TUBGCP6: variants seen among roughly 807,000 people sequenced by gnomAD.
TUBGCP6 encodes the protein gamma-tubulin complex component 6.
Under a neutral mutation model 175.8 loss-of-function variants are expected in TUBGCP6, and 161 were observed. That is an observed-to-expected ratio of 0.92 (90% CI 0.81 to 1.04). The LOEUF is 1.04. TUBGCP6 is among the 50% of genes least tolerant of loss of function. The probability of loss-of-function intolerance (pLI) is 0.00; values close to 1 mark genes in which losing one functional copy is unlikely to be tolerated. For synonymous variants in TUBGCP6, 1,173 were observed against 1,030.5 expected (o/e 1.14, Z -2.65); for missense variants, 2,572 against 2,433.0 (o/e 1.06, Z -1.20).
At chr22:50,237,432 CCCGA>C (rs1288579135) in intron 2 of TUBGCP6, among the ~76,000 whole-genome samples, 1 of 152,248 alleles carries the variant, frequency 6.6e-6, no homozygotes, top group Non-Finnish European at 1.5e-5. Context: ...ATCAGGCTGA[CCCGA>C]CTGCAGTGTC....
intron 1 of TUBGCP6, 73 bp from the exon 2 acceptor site, chr22:50,240,440 C>T: frequency 6.4e-7 from 1 of 1,574,474 alleles, no homozygotes; most frequent in Non-Finnish European, 8.7e-7. Flanking sequence ...ATGAGAATTT[C>T]AGGAACTTTA....
intron 24 of TUBGCP6, 22 bp downstream of exon 24, chr22:50,217,885 CCCCGCAGCCCT>C (rs2064442401): frequency 1.9e-6 from 3 of 1,605,122 alleles, no homozygotes; most frequent in East Asian, 2.2e-5. Context: ...GCCCTGGCCC[CCCCGCAGCCCT>C]CCCAGCCAGG....
chr22:50,219,978 T>G lies in TUBGCP6; in HGVS notation c.4146A>C (p.Pro1382=), dbSNP rs2147175834. Residue 1382 remains proline, a synonymous_variant, in exon 17 of 25, where the codon CCA becomes CCC. Coordinates refer to ENST00000248846, the MANE Select transcript of TUBGCP6 (RefSeq NM_020461.4). ...GRSGDTEDLS[P]NWPLNSQEDT... ...TAACCTGTGAGTTGAGAGGCCAATT[T>G]GGAGAGAGGTCCTCAGTGTCCCCGC... is the stretch of plus-strand genomic sequence containing the variant. The G allele has an allele frequency of 6.2e-7, 1 of 1,614,022 alleles. No homozygotes were observed. The highest frequency in any genetic ancestry group is 2.2e-5 in the East Asian group (1 of 44,870).
intron 3 of TUBGCP6, among the ~76,000 whole-genome samples, chr22:50,230,530 C>T (rs539636682): frequency 3.1e-4 from 47 of 151,594 alleles, no homozygotes; most frequent in African/African-American, 1.0e-3. Flanking sequence ...TTGTTGAATA[C>T]GGGAGGCAGA....
rs775071398 is a variant in TUBGCP6 at position 50,218,354 on chromosome 22, A to G, written c.5003T>C (p.Leu1668Pro). 1.2e-6 allele frequency: 2 copies of G among 1,613,106 alleles called. No individual in the cohort carries two copies. The highest frequency in any genetic ancestry group is 2.2e-5 in the South Asian group (2 of 91,084). Residue 1668 changes from leucine to proline, a missense_variant, in exon 23 of 25, where the codon CTG becomes CCG. By Grantham distance (98) the Leu-to-Pro change is moderately conservative. Transcript: ENST00000248846. Reference protein sequence around the residue: ...AGSVQFRQLQLFKHEMQHFVK... With the variant: ...AGSVQFRQLQPFKHEMQHFVK... The stretch of plus-strand genomic sequence containing the variant: ...GAAATGCTGCATCTCGTGCTTGAAC[A>G]GCTGCAGCTGACGGAACTGCACAGA...
Position 50,244,991 on chromosome 22 carries a change from G to A in TUBGCP6, c.-532C>T, listed in dbSNP as rs2064902988. ...GAAAGTGCCCACGGCTGCCGCTCTC[G>A]CCGCCTCCGTCGCGTCACAGCCGCG... On this transcript the variant is annotated 5_prime_UTR_variant, in exon 1 of 25. Transcript: ENST00000248846. 4.5e-6 allele frequency: 1 copy of A among 221,970 alleles called. No individual in the cohort carries two copies. 13.8% of individuals were successfully genotyped at this position (221,970 alleles called of 1,614,324 possible). A position where few individuals can be genotyped will look rare whatever the true frequency, so the allele number is the denominator to read the frequency against.
At chr22:50,237,192 G>C (rs1002211425) in intron 2 of TUBGCP6, among the ~76,000 whole-genome samples, 1 of 152,224 alleles carries the variant, frequency 6.6e-6, no homozygotes, top group African/African-American at 2.4e-5. Flanking sequence ...GGACAATGGT[G>C]GTTCTCAGGG....
At chr22:50,229,284 G>T in intron 4 of TUBGCP6, 120 bp downstream of exon 4, 1 of 1,143,652 alleles carries the variant, frequency 8.7e-7, no homozygotes. Flanking sequence ...TCAGATGTTA[G>T]CAAGGAAAGA....
At chr22:50,237,841 C>G (rs1057352704) in intron 2 of TUBGCP6, among the ~76,000 whole-genome samples, 2 of 152,194 alleles carry the variant, frequency 1.3e-5, no homozygotes, top group African/African-American at 4.8e-5. Flanking sequence ...AAATGAAATA[C>G]AGCCAGCACG....
chr22:50,243,633 A>G, intron 1 of TUBGCP6, 86 bp downstream of exon 1: 1 of 858,700 alleles, frequency 1.2e-6, no homozygotes, highest in South Asian at 2.2e-5. Context: ...AAAAAAAAAA[A>G]AGAAGAAGAA....
Position 50,218,311 on chromosome 22 carries a change from G to C in TUBGCP6, c.5046C>G (p.Gly1682=). Reference sequence around the variant, plus strand: ...CGTGCAGGATCTGGTTGGCGATGTAGCCCTGGATGACCTTCACGAAATGCT... The same window carrying C: ...CGTGCAGGATCTGGTTGGCGATGTACCCCTGGATGACCTTCACGAAATGCT... ...EMQHFVKVIQ[G]YIANQILHVT... The change falls in exon 23 of 25, where the codon GGC becomes GGG. Residue 1682 remains glycine (G), a synonymous_variant. Transcript: ENST00000248846. 1 of 1,613,118 alleles carries C rather than the reference G, an allele frequency of 6.2e-7. No individual in the cohort carries two copies. The highest frequency in any genetic ancestry group is 8.5e-7 in the Non-Finnish European group (1 of 1,180,006).
intron 10 of TUBGCP6, among the ~76,000 whole-genome samples, chr22:50,225,386 G>C (rs950923170): frequency 6.6e-6 from 1 of 152,122 alleles, no homozygotes; most frequent in Admixed American, 6.5e-5. Context: ...TTCCCAGCAG[G>C]AAGGGGGCTT....
In TUBGCP6 at chr22:50,217,773, A is replaced by T. The variant is rs1569107116; in HGVS notation, c.5423T>A (p.Leu1808Gln). 6.2e-7 allele frequency: 1 copy of T among 1,613,992 alleles called. No individual in the cohort carries two copies. Among genetic ancestry groups the T allele is most frequent in the Admixed American group, 1.7e-5 (1 of 60,016 alleles). Residue 1808 changes from leucine to glutamine, a missense_variant, in exon 25 of 25, where the codon CTG becomes CAG. Transcript: ENST00000248846. ...GYQPHLEDFL[L>Q]RINFNNYYQD... ...GTAGTAGTTGTTGAAGTTGATGCGC[A>T]GCAGAAAGTCCTCCAGGTGGGGCTG...
At chr22:50,236,357 G>T (rs953090200) in intron 2 of TUBGCP6, among the ~76,000 whole-genome samples, 1 of 152,018 alleles carries the variant, frequency 6.6e-6, no homozygotes, top group Non-Finnish European at 1.5e-5. Context: ...GGATGGTCTC[G>T]ATCTCTTGAC....
chr22:50,236,083 A>G (rs532841582), intron 2 of TUBGCP6, among the ~76,000 whole-genome samples: 28 of 151,874 alleles, frequency 1.8e-4, no homozygotes, highest in Non-Finnish European at 3.5e-4. Context: ...CATTATATAA[A>G]TTTTACTGCC....
chr22:50,240,391 C>T, intron 1 of TUBGCP6, 24 bp from the exon 2 acceptor site: 1 of 1,613,372 alleles, frequency 6.2e-7, no homozygotes. Context: ...GAAGGGCAAA[C>T]CGCCACTTAT....
chr22:50,220,567 T>C lies in TUBGCP6; in HGVS notation c.3792A>G (p.Pro1264=). The C allele has an allele frequency of 1.9e-6, 3 of 1,613,608 alleles. No homozygotes were observed. Among genetic ancestry groups the C allele is most frequent in the Non-Finnish European group, 2.5e-6 (3 of 1,180,010 alleles). The change falls in exon 16 of 25, where the codon CCA becomes CCG. Residue 1264 remains proline (P), a synonymous_variant. Transcript: ENST00000248846. The part of the protein sequence containing the change: ...EPVSDVVSTR[P]RWNTHVPIPP... ...GGATGGGTACATGGGTGTTCCACCG[T>C]GGCCGGGTGGAAACCACATCCGACA...
intron 10 of TUBGCP6, among the ~76,000 whole-genome samples, chr22:50,225,203 C>T: frequency 6.6e-6 from 1 of 152,074 alleles, no homozygotes; most frequent in East Asian, 1.9e-4. Context: ...ACCAAGAGGC[C>T]TCAAGAGGGG....
In TUBGCP6 at chr22:50,220,021, T is replaced by G; in HGVS notation, c.4109-6A>C. The G allele has an allele frequency of 6.2e-7, 1 of 1,612,874 alleles. No homozygotes were observed. The highest frequency in any genetic ancestry group is 1.1e-5 in the South Asian group (1 of 90,886). ...GTCCCCGCTCCTCCCAGGGCCTGTGTGGACACAAGTGGACACGAGGGCATC... is the reference window on the plus strand; with the variant it reads ...GTCCCCGCTCCTCCCAGGGCCTGTGGGGACACAAGTGGACACGAGGGCATC... On this transcript the variant is annotated splice_region_variant and splice_polypyrimidine_tract_variant and intron_variant, in intron 16 of 24. Coordinates refer to ENST00000248846, the MANE Select transcript of TUBGCP6 (RefSeq NM_020461.4).
Sources: gnomAD v4.1 joint callset for allele counts (sites outside exome capture counted in the v4.1 genomes callset) on GRCh38, gnomAD v4.1.1 for gene constraint, MANE v1.5 for transcripts, NCBI Gene and HGNC (gene_info 2026-07-23, HGNC 2026-07-21) for gene names.